TMPPE: variants seen among roughly 807,000 people sequenced by gnomAD.
TMPPE encodes transmembrane protein with metallophosphoesterase domain.
TMPPE carries 16 observed loss-of-function variants against 22.6 expected under a neutral mutation model. The ratio of observed to expected loss-of-function variants is 0.71; its 90% CI spans 0.48 to 1.08. TMPPE has a LOEUF of 1.08. Ranked by LOEUF, TMPPE falls within the 50% of genes least tolerant of loss-of-function variation. The pLI, the probability that TMPPE is intolerant of heterozygous loss-of-function variation, is 0.00. For missense variants in TMPPE, 526 were observed against 584.3 expected (o/e 0.90, Z 1.03); for synonymous variants, 240 against 245.3 (o/e 0.98, Z 0.20).
Position 33,095,853 on chromosome 3 carries a change from C to T in TMPPE, c.-109+866G>A, listed in dbSNP as rs557193211. On this transcript the variant is annotated intron_variant, in intron 1 of 1. Transcript: ENST00000342462. Reference sequence around the variant, plus strand: ...GCTAGCTCTGACTCCTAAGGTCCTACGGGCCTTCTGGACAAGAAAACTCTG... The same window carrying T: ...GCTAGCTCTGACTCCTAAGGTCCTATGGGCCTTCTGGACAAGAAAACTCTG... Among the ~76,000 whole-genome samples the T allele has an allele frequency of 3.3e-5, 5 of 152,318 alleles. No individual in the cohort carries two copies. In the East Asian group the frequency reaches 9.7e-4, roughly 29 times the overall value.
Position 33,093,059 on chromosome 3 carries a change from C to A in TMPPE, c.1137G>T (p.Gln379His), listed in dbSNP as rs1020413072. Reference protein sequence around the residue: ...HQPLAAKRALQARPDINLILS... With the variant: ...HQPLAAKRALHARPDINLILS... ...GGATCAGGTTAATATCTGGCCGAGC[C>A]TGGAGAGCTCTCTTGGCAGCCAGGG... is the stretch of plus-strand genomic sequence containing the variant. Residue 379 changes from glutamine to histidine, a missense_variant, in exon 2 of 2, where the codon CAG (glutamine) becomes CAT (histidine). Physicochemically the swap from Gln to His is conservative, Grantham distance 24 (BLOSUM62 0). Transcript: ENST00000342462. This position sits in a 1 kb window ranked among gnomAD's most constrained non-coding sequence, Gnocchi z 6.0. 1 of 1,614,084 alleles carries A rather than the reference C, an allele frequency of 6.2e-7. No individual in the cohort carries two copies. Among genetic ancestry groups the A allele is most frequent in the African/African-American group, 1.3e-5 (1 of 74,938 alleles).
At chr3:33,096,666 C>G (rs1156486958) in intron 1 of TMPPE, 53 bp downstream of exon 1, 1 of 1,129,988 alleles carries the variant, frequency 8.8e-7, no homozygotes, top group African/African-American at 1.7e-5. Context: ...CTCTAACCCG[C>G]GCAACTTGGA....
chr3:33,094,534 G>A (rs1000505969), intron 1 of TMPPE, among the ~76,000 whole-genome samples: 1 of 152,214 alleles, frequency 6.6e-6, no homozygotes, highest in African/African-American at 2.4e-5. Context: ...TTTCTCTACA[G>A]TAAGCATGTA....
At position 33,093,333 on chromosome 3, in the gene TMPPE, C is replaced by T. The variant is rs1700853020; in HGVS notation, c.863G>A (p.Trp288Ter). The T allele has an allele frequency of 1.9e-6, 3 of 1,614,198 alleles. No homozygotes were observed. The highest frequency in any genetic ancestry group is 2.5e-6 in the Non-Finnish European group (3 of 1,180,042). ...HEYYTSDVSN[W>*]FALLESLHVQ... ...ATGCAGGGATTCCAGAAGTGCAAACCAGTTGCTGACATCTGACGTGTAGTA... is the reference window on the plus strand; with the variant it reads ...ATGCAGGGATTCCAGAAGTGCAAACTAGTTGCTGACATCTGACGTGTAGTA... The change falls in exon 2 of 2, where the codon TGG (tryptophan) becomes TAG (stop). Residue 288 changes from tryptophan to a stop codon, truncating the protein, a stop_gained. Transcript: ENST00000342462. LOFTEE classifies it high-confidence loss of function. The surrounding 1 kb of genome is among the most constrained non-coding windows in gnomAD (Gnocchi z 6.0).
At position 33,096,609 on chromosome 3, in the gene TMPPE, C is replaced by T. The variant is rs999606273; in HGVS notation, c.-109+110G>A. The T allele has an allele frequency of 1.1e-5, 12 of 1,059,858 alleles. No individual in the cohort carries two copies. The East Asian group carries it at 9.3e-4, about 82-fold the overall frequency. The allele number at this position is 1,059,858 out of a possible 1,614,324, so 65.7% of individuals were successfully genotyped here. On this transcript the variant is annotated intron_variant, in intron 1 of 1. Coordinates refer to ENST00000342462, the MANE Select transcript of TMPPE (RefSeq NM_001039770.3). Reference sequence around the variant, plus strand: ...TCTCCTTCCGGAGCGCTCCGCAGAGCACCAACTGGGAAAGCGAGGGCGCCC... The same window carrying T: ...TCTCCTTCCGGAGCGCTCCGCAGAGTACCAACTGGGAAAGCGAGGGCGCCC...
chr3:33,092,733 T>C lies in TMPPE; in HGVS notation c.*101A>G. The C allele has an allele frequency of 6.7e-7, 1 of 1,498,888 alleles. No homozygotes were observed. Among genetic ancestry groups the C allele is most frequent in the East Asian group, 2.3e-5 (1 of 43,610 alleles). The allele number at this position is 1,498,888 out of a possible 1,614,324, so 92.8% of individuals were successfully genotyped here. ...GTGACCAAGGGTGTGTAGGCAAGGA[T>C]GAGTGGGCAAGGCTGGAGGGGAAAA... On this transcript the variant is annotated 3_prime_UTR_variant, in exon 2 of 2. Transcript: ENST00000342462.
chr3:33,096,575 C>A (rs1051948167), intron 1 of TMPPE, 144 bp downstream of exon 1: 16 of 1,029,840 alleles, frequency 1.6e-5, no homozygotes, highest in Non-Finnish European at 1.9e-5. Flanking sequence ...CCTCTCCTGA[C>A]CCCATTTTTC....
rs115764170 is a variant in TMPPE, at chr3:33,092,580, G to A, written c.*254C>T. ...TCCACATCATCTGGAAAATAGAGGG[G>A]AGTGCTAATATATGTGACCTTAGTG... On this transcript the variant is annotated 3_prime_UTR_variant, in exon 2 of 2. Transcript: ENST00000342462. The A allele has an allele frequency of 5.6e-4, 703 of 1,255,356 alleles. 3 individuals carry two copies. The African/African-American group carries it at 8.7e-3, about 16-fold the overall frequency. 77.8% of individuals were successfully genotyped at this position (1,255,356 alleles called of 1,614,324 possible). A position where few individuals can be genotyped will look rare whatever the true frequency, so the allele number is the denominator to read the frequency against.
Position 33,091,923 on chromosome 3 carries a change from T to C in TMPPE, c.*911A>G. 2.0e-6 allele frequency: 2 copies of C among 985,420 alleles called. No individual in the cohort carries two copies. The highest frequency in any genetic ancestry group is 2.4e-6 in the Non-Finnish European group (2 of 829,946). The allele number at this position is 985,420 out of a possible 1,614,324, so 61.0% of individuals were successfully genotyped here. On this transcript the variant is annotated 3_prime_UTR_variant, in exon 2 of 2. Transcript: ENST00000342462. ...CTGGCAAAAGGGCAAAAGCACCGCT[T>C]TTACTGGGAGGTACAAGACCTGGTT...
In TMPPE at chr3:33,093,242, G is replaced by GCCA. The variant is rs777009615; in HGVS notation, c.951_953dup (p.Gly318dup). The GCCA allele has an allele frequency of 1.9e-5, 30 of 1,613,978 alleles. No individual in the cohort carries two copies. The highest frequency in any genetic ancestry group is 2.1e-5 in the Non-Finnish European group (25 of 1,180,004). On this transcript the variant is annotated inframe_insertion, in exon 2 of 2. Coordinates refer to ENST00000342462, the MANE Select transcript of TMPPE (RefSeq NM_001039770.3). The surrounding 1 kb of genome is among the most constrained non-coding windows in gnomAD (Gnocchi z 6.0). ...CCTCATCCTCACTCCCACTGCCACT[G>GCCA]CCACCACCACCACGTTGGGCCCGTG...
In TMPPE at chr3:33,092,388, G is replaced by A; in HGVS notation, c.*446C>T. 1.0e-6 allele frequency: 1 copy of A among 989,854 alleles called. No individual in the cohort carries two copies. The highest frequency in any genetic ancestry group is 1.2e-6 in the Non-Finnish European group (1 of 832,852). The allele number at this position is 989,854 out of a possible 1,614,324, so 61.3% of individuals were successfully genotyped here. A position where few individuals can be genotyped will look rare whatever the true frequency, so the allele number is the denominator to read the frequency against. On this transcript the variant is annotated 3_prime_UTR_variant, in exon 2 of 2. Coordinates refer to ENST00000342462, the MANE Select transcript of TMPPE (RefSeq NM_001039770.3). ...GGCAACACTACCCCTTCCCCAGAAAGGCTCTGGATCAATGATTCTGGAAAC... is the reference window on the plus strand; with the variant it reads ...GGCAACACTACCCCTTCCCCAGAAAAGCTCTGGATCAATGATTCTGGAAAC...
Position 33,094,101 on chromosome 3 carries a change from G to C in TMPPE, c.95C>G (p.Ala32Gly). 6.2e-7 allele frequency: 1 copy of C among 1,614,260 alleles called. No homozygotes were observed. The highest frequency in any genetic ancestry group is 1.3e-5 in the African/African-American group (1 of 75,066). The change falls in exon 2 of 2, where the codon GCA (alanine) becomes GGA (glycine). Residue 32 changes from alanine to glycine, a missense_variant. By Grantham distance (60) the Ala-to-Gly change is moderately conservative (BLOSUM62 0). Transcript: ENST00000342462. ...VSMIASRSYL[A>G]ESLELRAWRW... ...CCAGGCCCTGAGCTCAAGGCTCTCT[G>C]CCAGATACGAGCGGGAGGCGATCAT...
Position 33,094,078 on chromosome 3 carries a change from A to T in TMPPE, c.118T>A (p.Trp40Arg). 1.2e-6 allele frequency: 2 copies of T among 1,614,270 alleles called. No individual in the cohort carries two copies. The highest frequency in any genetic ancestry group is 1.7e-6 in the Non-Finnish European group (2 of 1,180,050). ...YLAESLELRA[W>R]RWLLRLQLAL... ...AGCTGCAAGCGAAGCAGCCAACGCC[A>T]GGCCCTGAGCTCAAGGCTCTCTGCC... is the stretch of plus-strand genomic sequence containing the variant. The change falls in exon 2 of 2, where the codon TGG becomes AGG. Residue 40 changes from tryptophan to arginine, a missense_variant. Transcript: ENST00000342462.
rs1700747406 is a variant in TMPPE, at chr3:33,091,262, A to ATGG, written c.*1571_*1572insCCA. ...CTGCATGGTATGGCCCACTGTCAAT[A>ATGG]CCGTGGCTGCCTGGGAACAAAAAGG... On this transcript the variant is annotated 3_prime_UTR_variant, in exon 2 of 2. Transcript: ENST00000342462. The ATGG allele has an allele frequency of 4.1e-6, 4 of 985,412 alleles. No homozygotes were observed. The highest frequency in any genetic ancestry group is 1.1e-4 in the East Asian group (1 of 8,836). 61.0% of individuals were successfully genotyped at this position (985,412 alleles called of 1,614,324 possible).
Position 33,093,314 on chromosome 3 carries a change from G to C in TMPPE, c.882C>G (p.Ser294=), listed in dbSNP as rs766219364. 25 of 1,614,150 alleles carry C rather than the reference G, an allele frequency of 1.5e-5. No individual in the cohort carries two copies. The East Asian group carries it at 5.6e-4, about 36-fold the overall frequency. ...CATTATGAAGAGGCTGGACATGCAG[G>C]GATTCCAGAAGTGCAAACCAGTTGC... ...DVSNWFALLE[S]LHVQPLHNEN... Residue 294 remains serine (S), a synonymous_variant, in exon 2 of 2, where the codon TCC becomes TCG. Coordinates refer to ENST00000342462, the MANE Select transcript of TMPPE (RefSeq NM_001039770.3). This position sits in a 1 kb window ranked among gnomAD's most constrained non-coding sequence, Gnocchi z 6.0.
chr3:33,096,857 T>C lies in TMPPE; in HGVS notation c.-247A>G. The stretch of plus-strand genomic sequence containing the variant: ...GCCCCCGACGGGAAGGCCGGTCCAC[T>C]GCCTGCGTTCCGCCGGCCGCGAGCC... On this transcript the variant is annotated 5_prime_UTR_variant, in exon 1 of 2. Transcript: ENST00000342462. The C allele has an allele frequency of 7.1e-7, 1 of 1,406,044 alleles. No individual in the cohort carries two copies. Among genetic ancestry groups the C allele is most frequent in the South Asian group, 1.6e-5 (1 of 64,248 alleles). The allele number at this position is 1,406,044 out of a possible 1,614,324, so 87.1% of individuals were successfully genotyped here.
chr3:33,093,197 C>G lies in TMPPE; in HGVS notation c.999G>C (p.Gly333=). 1 of 1,613,978 alleles carries G rather than the reference C, an allele frequency of 6.2e-7. No homozygotes were observed. Residue 333 remains glycine (G), a synonymous_variant, in exon 2 of 2, where the codon GGG becomes GGC. Transcript: ENST00000342462. The surrounding 1 kb of genome is among the most constrained non-coding windows in gnomAD (Gnocchi z 6.0). ...SEDEDWICLA[G]VDDIEADILH... ...GGATGTCTGCTTCAATATCGTCCAC[C>G]CCAGCCAAGCAGATCCAGTCCTCAT...
In TMPPE at chr3:33,097,052, A is replaced by G. The variant is rs7614776; in HGVS notation, c.-442T>C. 1,433,864 of 1,612,206 alleles carry G rather than the reference A, an allele frequency of 0.89. 638,460 individuals are homozygous for G. The highest frequency in any genetic ancestry group is 1 in the East Asian group (44,757 of 44,772). On this transcript the variant is annotated 5_prime_UTR_variant, in exon 1 of 2. Coordinates refer to ENST00000342462, the MANE Select transcript of TMPPE (RefSeq NM_001039770.3). ...GGGCCCAGAAGCAGCAGAACCAGCA[A>G]CAGAGGGAGGATGCGAACCAGGAAC...
Position 33,093,756 on chromosome 3 carries a change from C to T in TMPPE, c.440G>A (p.Trp147Ter), listed in dbSNP as rs150878429. The T allele has an allele frequency of 4.3e-6, 7 of 1,613,610 alleles. No individual in the cohort carries two copies. Among genetic ancestry groups the T allele is most frequent in the Admixed American group, 1.7e-5 (1 of 59,940 alleles). Residue 147 changes from tryptophan (W) to a stop codon, truncating the protein, a stop_gained, in exon 2 of 2, where the codon TGG (tryptophan) becomes TAG (stop). Transcript: ENST00000342462. LOFTEE classifies it high-confidence loss of function. The surrounding 1 kb of genome is among the most constrained non-coding windows in gnomAD (Gnocchi z 6.0). ...GMEQAYQLLA[W>*]RSGRVVGSLE... ...GCTGCCCACGACCCTACCACTGCGC[C>T]AGGCCAAGAGCTGGTAGGCCTGCTC...
Sources: allele counts gnomAD v4.1 joint callset (sites outside exome capture counted in the v4.1 genomes callset), GRCh38; gene constraint gnomAD v4.1.1; non-coding constraint Gnocchi (gnomAD v3.1); transcripts MANE v1.5; gene names NCBI Gene and HGNC (gene_info 2026-07-23, HGNC 2026-07-21).